Variants in FRMD4A observed in about 807,000 individuals in gnomAD.
FRMD4A encodes the protein FERM domain-containing protein 4A.
Under a neutral mutation model 129.1 loss-of-function variants are expected in FRMD4A, and 29 were observed. The ratio of observed to expected loss-of-function variants is 0.22; its 90% CI spans 0.17 to 0.31. FRMD4A has a LOEUF of 0.31. Ranked by LOEUF, FRMD4A falls within the 10% of genes least tolerant of loss-of-function variation. The pLI, the probability that FRMD4A is intolerant of heterozygous loss-of-function variation, is 1.00. For synonymous variants in FRMD4A, 634 were observed against 571.6 expected, an observed-to-expected ratio of 1.11 and a Z score of -1.56; for missense variants, 1,272 against 1,375.8, an observed-to-expected ratio of 0.92 and a Z score of 1.19.
intron 3 of FRMD4A, among the ~76,000 whole-genome samples, chr10:13,819,648 T>C (rs1393928878): frequency 6.6e-6 from 1 of 152,066 alleles, no homozygotes; most frequent in African/African-American, 2.4e-5. Context: ...GACGTGATCC[T>C]TGGGAGGAGG....
intron 3 of FRMD4A, among the ~76,000 whole-genome samples, chr10:13,832,750 C>T (rs976054920): frequency 6.6e-6 from 1 of 152,084 alleles, no homozygotes; most frequent in Non-Finnish European, 1.5e-5. Flanking sequence ...AGTGATCCTC[C>T]CACCTCAGCC....
At chr10:13,734,568 C>T (rs554184622) in intron 12 of FRMD4A, among the ~76,000 whole-genome samples, 10 of 152,274 alleles carry the variant, frequency 6.6e-5, no homozygotes, top group South Asian at 4.1e-4. Flanking sequence ...CATGCCTCCC[C>T]GCCCCATTCC....
chr10:14,091,644 A>G (rs760037654), intron 2 of FRMD4A, among the ~76,000 whole-genome samples: 2 of 152,242 alleles, frequency 1.3e-5, no homozygotes, highest in Non-Finnish European at 2.9e-5. Flanking sequence ...CATGTTGACC[A>G]GGATGGTCTC....
At position 13,657,250 on chromosome 10, in the gene FRMD4A, CGCGCCTTGGACG is replaced by C; in HGVS notation, c.2327_2338del (p.Pro776_Ala779del). On this transcript the variant is annotated inframe_deletion, in exon 22 of 25. Coordinates refer to ENST00000357447, the MANE Select transcript of FRMD4A (RefSeq NM_018027.5). ...CCGCTGCCGCTGCCTCTGCCTCTGGCGCGCCTTGGACGGCGAGTCCTCGGCCAGCGTGGAGTA... is the reference window on the plus strand; with the variant it reads ...CCGCTGCCGCTGCCTCTGCCTCTGGCGCGAGTCCTCGGCCAGCGTGGAGTA... 6.3e-7 allele frequency: 1 copy of C among 1,592,118 alleles called. No homozygotes were observed.
intron 2 of FRMD4A, among the ~76,000 whole-genome samples, chr10:14,051,888 AGT>A (rs1170646671): frequency 3.3e-5 from 5 of 152,338 alleles, no homozygotes; most frequent in Admixed American, 6.5e-5. Flanking sequence ...TGAATTGAAT[AGT>A]GTCTCACCCT....
At chr10:13,678,661 T>C (rs1219289555) in intron 15 of FRMD4A, among the ~76,000 whole-genome samples, 2 of 152,256 alleles carry the variant, frequency 1.3e-5, no homozygotes, top group African/African-American at 4.8e-5. Flanking sequence ...CAACTGCCTC[T>C]TCACTGTTGC....
rs1842875085 is a variant in FRMD4A, at chr10:14,209,450, C to T, written c.45+120608G>A. On this transcript the variant is annotated intron_variant, in intron 2 of 24. Coordinates refer to ENST00000357447, the MANE Select transcript of FRMD4A (RefSeq NM_018027.5). ...GGGCCATAAATCCAATGACAAGAGT[C>T]CTCATAAGGAAAGTGGTGGGCATGG... Among the ~76,000 whole-genome samples, 6 of 152,140 alleles carry T rather than the reference C, an allele frequency of 3.9e-5. No homozygotes were observed. In the South Asian group the frequency reaches 1.2e-3, roughly 32 times the overall value.
At chr10:14,041,578 T>C (rs1465129025) in intron 2 of FRMD4A, among the ~76,000 whole-genome samples, 1 of 152,188 alleles carries the variant, frequency 6.6e-6, no homozygotes, top group Non-Finnish European at 1.5e-5. Context: ...GATGAGTCCA[T>C]ATGAGCCCCA....
chr10:14,128,100 C>CT (rs142790253), intron 2 of FRMD4A, among the ~76,000 whole-genome samples: 3,389 of 34,180 alleles, frequency 0.099, 197 homozygotes, highest in East Asian at 0.15. Flanking sequence ...TTCTTTCTTT[C>CT]TTTCTTTTCT....
intron 2 of FRMD4A, among the ~76,000 whole-genome samples, chr10:13,913,426 G>A (rs117926334): frequency 2.0e-4 from 30 of 152,294 alleles, no homozygotes; most frequent in Admixed American, 1.3e-3. Context: ...TAGATGAATT[G>A]TATGGTTTGT....
intron 2 of FRMD4A, among the ~76,000 whole-genome samples, chr10:13,980,758 TA>T (rs1201308763): frequency 6.6e-6 from 1 of 152,028 alleles, no homozygotes; most frequent in Admixed American, 6.6e-5. Flanking sequence ...AAAATTAAAT[TA>T]AAAAAATTGT....
chr10:13,956,627 C>T (rs1056063541), intron 2 of FRMD4A, among the ~76,000 whole-genome samples: 6 of 152,114 alleles, frequency 3.9e-5, no homozygotes, highest in South Asian at 2.1e-4. Flanking sequence ...ATCTTGTGTA[C>T]GCCATGATGC....
At chr10:13,780,841 T>A (rs1303700807) in intron 6 of FRMD4A, among the ~76,000 whole-genome samples, 1 of 152,184 alleles carries the variant, frequency 6.6e-6, no homozygotes, top group Non-Finnish European at 1.5e-5. Context: ...TATAGGTATA[T>A]ACCCTGAACA....
chr10:14,006,997 C>T (rs752457401), intron 2 of FRMD4A, among the ~76,000 whole-genome samples: 22 of 151,744 alleles, frequency 1.4e-4, no homozygotes, highest in Admixed American at 9.2e-4. Context: ...GAAATCAACC[C>T]GACCTAAGTA....
chr10:14,280,497 A>G (rs987657925), intron 2 of FRMD4A, among the ~76,000 whole-genome samples: 1 of 152,134 alleles, frequency 6.6e-6, no homozygotes, highest in African/African-American at 2.4e-5. Context: ...TAAGTGATTC[A>G]TGTGTAGAAA....
At chr10:13,709,138 T>G (rs912225944) in intron 12 of FRMD4A, among the ~76,000 whole-genome samples, 7 of 152,128 alleles carry the variant, frequency 4.6e-5, no homozygotes, top group Non-Finnish European at 1.5e-5. Context: ...AATTTTTGTA[T>G]TTTTTAGTAG....
rs5783381 is a variant in FRMD4A at position 14,048,824 on chromosome 10, T to A, written c.46-189912A>T. ...CTTGTCTCAAATAAAATAGAATAGA[T>A]TAGAATAGAATAGAATAGAATAGAA... is the stretch of plus-strand genomic sequence containing the variant. On this transcript the variant is annotated intron_variant, in intron 2 of 24. Transcript: ENST00000357447. Among the ~76,000 whole-genome samples the A allele has an allele frequency of 2.3e-3, 279 of 122,034 alleles. 3 individuals are homozygous for A. Among genetic ancestry groups the A allele is most frequent in the African/African-American group, 7.2e-3 (229 of 31,960 alleles). 80.1% of individuals were successfully genotyped at this position (122,034 alleles called of 152,430 possible). A position where few individuals can be genotyped will look rare whatever the true frequency, so the allele number is the denominator to read the frequency against.
At chr10:13,701,865 C>T (rs747519572) in intron 13 of FRMD4A, among the ~76,000 whole-genome samples, 1 of 152,180 alleles carries the variant, frequency 6.6e-6, no homozygotes, top group East Asian at 1.9e-4. Flanking sequence ...AATGTGCCTA[C>T]GGTGGGGATG....
chr10:13,834,710 C>T (rs533455938), intron 3 of FRMD4A, among the ~76,000 whole-genome samples: 2 of 152,294 alleles, frequency 1.3e-5, no homozygotes, highest in East Asian at 1.9e-4. Context: ...AGGCACGGGG[C>T]TCCACAGGGG....
Sources: gnomAD v4.1 joint callset for allele counts (sites outside exome capture counted in the v4.1 genomes callset) on GRCh38, gnomAD v4.1.1 for gene constraint, MANE v1.5 for transcripts, NCBI Gene and HGNC (gene_info 2026-07-23, HGNC 2026-07-21) for gene names.